LIPM: variants seen among roughly 807,000 people sequenced by gnomAD.
LIPM encodes the protein lipase member M.
A neutral mutation model predicts 42.4 loss-of-function variants in LIPM; 42 were observed. The ratio of observed to expected loss-of-function variants is 0.99; its 90% CI spans 0.77 to 1.28. The LOEUF is 1.28. Among genes scored for constraint, LIPM ranks in the 50% most tolerant of loss-of-function variants. The pLI, the probability that LIPM is intolerant of heterozygous loss-of-function variation, is 0.00. For synonymous variants in LIPM, 177 were observed against 173.3 expected (o/e 1.02, Z -0.17); for missense variants, 524 against 520.1 (o/e 1.01, Z -0.07).
chr10:88,807,247 G>A (rs951056016), intron 1 of LIPM, among the ~76,000 whole-genome samples: 1 of 152,188 alleles, frequency 6.6e-6, no homozygotes, highest in South Asian at 2.1e-4. Flanking sequence ...CATAGGAGCA[G>A]TTTAACTAAA....
At chr10:88,812,547 G>A (rs1843667731) in intron 2 of LIPM, among the ~76,000 whole-genome samples, 1 of 151,802 alleles carries the variant, frequency 6.6e-6, no homozygotes, top group Non-Finnish European at 1.5e-5. Flanking sequence ...TTATTTATTG[G>A]TCTCTATATG....
chr10:88,806,079 C>T (rs1008002823), intron 1 of LIPM: 8 of 447,058 alleles, frequency 1.8e-5, no homozygotes, highest in Admixed American at 1.2e-4. Context: ...GCCATTCCTA[C>T]AGAAAATGAC....
intron 2 of LIPM, among the ~76,000 whole-genome samples, chr10:88,812,744 C>T (rs1233731423): frequency 3.3e-5 from 5 of 152,180 alleles, no homozygotes; most frequent in Non-Finnish European, 5.9e-5. Context: ...AATAATCATA[C>T]TATACCATCT....
chr10:88,819,403 T>C (rs1160051331), intron 8 of LIPM, among the ~76,000 whole-genome samples: 1 of 152,168 alleles, frequency 6.6e-6, no homozygotes, highest in African/African-American at 2.4e-5. Context: ...CCATAGAATT[T>C]TTCAACCTTC....
rs189853016 is a variant in LIPM, at chr10:88,817,571, A to G, written c.931-254A>G. Among the ~76,000 whole-genome samples, 73 of 152,346 alleles carry G rather than the reference A, an allele frequency of 4.8e-4. No individual in the cohort carries two copies. In the East Asian group the frequency reaches 0.014, roughly 29 times the overall value. On this transcript the variant is annotated intron_variant, in intron 7 of 8. Transcript: ENST00000404743. ...TGGAGGATACCCACTCACATTAATT[A>G]CAATGAAGATGCACTTCCTGGAGTT... is the stretch of plus-strand genomic sequence containing the variant.
chr10:88,806,681 C>T (rs1366066851), intron 1 of LIPM, among the ~76,000 whole-genome samples: 6 of 151,910 alleles, frequency 3.9e-5, no homozygotes, highest in Non-Finnish European at 8.8e-5. Flanking sequence ...ATTTGAGACA[C>T]TTCTATAAAT....
chr10:88,803,128 A>T, intron 1 of LIPM, 85 bp downstream of exon 1: 1 of 1,387,772 alleles, frequency 7.2e-7, no homozygotes, highest in Non-Finnish European at 9.8e-7. Flanking sequence ...TTATATTTAT[A>T]CATGGTGGTG....
intron 2 of LIPM, among the ~76,000 whole-genome samples, chr10:88,809,047 T>C (rs1023005529): frequency 2.0e-5 from 3 of 151,842 alleles, no homozygotes; most frequent in Non-Finnish European, 4.4e-5. Flanking sequence ...CTCCGCCTCC[T>C]GGGTTCAAGC....
At chr10:88,817,762 C>T (rs1589317898) in intron 7 of LIPM, 63 bp from the exon 8 acceptor site, 2 of 1,151,904 alleles carry the variant, frequency 1.7e-6, no homozygotes, top group Non-Finnish European at 2.6e-6. Flanking sequence ...CACATTTCCA[C>T]CACCCCACCA....
chr10:88,819,841 A>G (rs1843765309), intron 8 of LIPM, among the ~76,000 whole-genome samples: 1 of 152,242 alleles, frequency 6.6e-6, no homozygotes, highest in South Asian at 2.1e-4. Flanking sequence ...TCTGTGGAAT[A>G]TAATTCTTCT....
At chr10:88,805,973 G>A in intron 1 of LIPM, 1 of 456,624 alleles carries the variant, frequency 2.2e-6, no homozygotes, top group Non-Finnish European at 4.4e-6. Context: ...CCTACGTTGG[G>A]CTGAGATGAC....
At chr10:88,806,690 A>T (rs1013698873) in intron 1 of LIPM, among the ~76,000 whole-genome samples, 1 of 151,412 alleles carries the variant, frequency 6.6e-6, no homozygotes, top group Non-Finnish European at 1.5e-5. Flanking sequence ...ACTTCTATAA[A>T]TTTTTTTTTC....
At chr10:88,820,154 T>C (rs1843769650) in intron 8 of LIPM, 78 bp from the exon 9 acceptor site, 3 of 1,192,350 alleles carry the variant, frequency 2.5e-6, no homozygotes, top group Non-Finnish European at 3.5e-6. Flanking sequence ...GCATGTTTAT[T>C]ATGTCTATTT....
At chr10:88,807,032 C>T (rs1202839991) in intron 1 of LIPM, among the ~76,000 whole-genome samples, 1 of 152,124 alleles carries the variant, frequency 6.6e-6, no homozygotes, top group Non-Finnish European at 1.5e-5. Context: ...GTCTCACACA[C>T]ATACATGCAC....
Position 88,820,462 on chromosome 10 carries a change from G to A in LIPM, c.1233G>A (p.Glu411=). The A allele has an allele frequency of 2.6e-6, 4 of 1,551,760 alleles. No individual in the cohort carries two copies. Among genetic ancestry groups the A allele is most frequent in the Non-Finnish European group, 3.5e-6 (4 of 1,147,018 alleles). Residue 411 remains glutamate, a synonymous_variant, in exon 9 of 9, where the codon GAG becomes GAA. Transcript: ENST00000404743. ...NEIIHLMQQE[E]TNLSQGRCEA... ...TCATCCATCTGATGCAGCAGGAGGA[G>A]ACCAACCTTTCCCAGGGACGGTGTG... is the stretch of plus-strand genomic sequence containing the variant.
chr10:88,810,775 G>A (rs1843645295), intron 2 of LIPM, among the ~76,000 whole-genome samples: 1 of 152,166 alleles, frequency 6.6e-6, no homozygotes, highest in African/African-American at 2.4e-5. Context: ...TGATATAAAT[G>A]AGCCATTCCT....
Position 88,802,929 on chromosome 10 carries a change from C to T in LIPM, c.33C>T (p.Val11=). 6.4e-7 allele frequency: 1 copy of T among 1,550,930 alleles called. No homozygotes were observed. Among genetic ancestry groups the T allele is most frequent in the Non-Finnish European group, 8.7e-7 (1 of 1,146,546 alleles). Residue 11 remains valine, a synonymous_variant, in exon 1 of 9, where the codon GTC becomes GTT. Coordinates refer to ENST00000404743, the MANE Select transcript of LIPM (RefSeq NM_001128215.1). ...AAACCTTGTCAAGACAGTGGATTGT[C>T]TCACACAGAATGGAAATGTGGCTTC... The part of the protein sequence containing the change: MLETLSRQWI[V]SHRMEMWLLI...
intron 8 of LIPM, among the ~76,000 whole-genome samples, chr10:88,818,112 G>A (rs1843739961): frequency 6.6e-6 from 1 of 152,190 alleles, no homozygotes; most frequent in Non-Finnish European, 1.5e-5. Context: ...CTTTTTAGCT[G>A]AGGCTGTCTC....
intron 1 of LIPM, among the ~76,000 whole-genome samples, chr10:88,807,575 G>A (rs533923812): frequency 2.6e-5 from 4 of 152,282 alleles, no homozygotes; most frequent in Admixed American, 2.0e-4. Context: ...CCAGGGGTTC[G>A]TATGTAGGCA....
Sources: gnomAD v4.1 joint callset for allele counts (sites outside exome capture counted in the v4.1 genomes callset) on GRCh38, gnomAD v4.1.1 for gene constraint, MANE v1.5 for transcripts, NCBI Gene and HGNC (gene_info 2026-07-23, HGNC 2026-07-21) for gene names.